Variants in RAB6A observed in about 807,000 individuals in gnomAD.
RAB6A encodes the protein ras-related protein Rab-6A.
In RAB6A, 8 loss-of-function variants were observed where a neutral mutation model predicts 32.3. That is an observed-to-expected ratio of 0.25 (90% CI 0.15 to 0.45). The LOEUF is 0.45. Among genes scored for constraint, RAB6A ranks in the 20% least tolerant of loss-of-function variants. The pLI is 1.00. For missense variants in RAB6A, 104 were observed against 249.4 expected, an observed-to-expected ratio of 0.42 and a Z score of 3.93; for synonymous variants, 73 against 82.1, an observed-to-expected ratio of 0.89 and a Z score of 0.60.
chr11:73,739,803 T>C (rs977622055), intron 1 of RAB6A, among the ~76,000 whole-genome samples: 3 of 152,092 alleles, frequency 2.0e-5, no homozygotes. Context: ...ATGCCTGTAA[T>C]CCCAGCACTT....
intron 2 of RAB6A, among the ~76,000 whole-genome samples, chr11:73,724,897 A>AT (rs1206326196): frequency 6.6e-6 from 1 of 152,174 alleles, no homozygotes; most frequent in Non-Finnish European, 1.5e-5. Context: ...AGGTTGGTTG[A>AT]TTTGTTCACT....
intron 2 of RAB6A, among the ~76,000 whole-genome samples, chr11:73,729,174 T>C (rs1453261632): frequency 3.3e-5 from 5 of 152,120 alleles, no homozygotes; most frequent in Admixed American, 2.0e-4. Context: ...TCTCAGCTCA[T>C]TGCAACCTCC....
intron 2 of RAB6A, chr11:73,729,401 C>T (rs942187220): frequency 6.6e-6 from 1 of 152,178 alleles, no homozygotes; most frequent in African/African-American, 2.4e-5. Flanking sequence ...GCCCAGTCAA[C>T]CCTTTTTATT....
rs1393411671 is a variant in RAB6A, at chr11:73,722,367, T to TTTTTTTTTTTTTTTTTTTTTTTG, written c.130-1469_130-1468insCAAAAAAAAAAAAAAAAAAAAAA. ...TATTTTTTTTTTTTTTTTTTTTTTTTGAGACAGTCTCACACTCTTGCCCAA... is the reference window on the plus strand; with the variant it reads ...TATTTTTTTTTTTTTTTTTTTTTTTTTTTTTTTTTTTTTTTTTTTTTTGGAGACAGTCTCACACTCTTGCCCAA... On this transcript the variant is annotated intron_variant, in intron 2 of 7. Transcript: ENST00000336083. The TTTTTTTTTTTTTTTTTTTTTTTG allele has an allele frequency of 2.4e-5, 2 of 81,784 alleles. 1 individual carries two copies. The highest frequency in any genetic ancestry group is 4.7e-5 in the Non-Finnish European group (2 of 42,750). 5.1% of individuals were successfully genotyped at this position (81,784 alleles called of 1,614,324 possible).
At chr11:73,737,628 G>A (rs1946420343) in intron 1 of RAB6A, among the ~76,000 whole-genome samples, 1 of 152,166 alleles carries the variant, frequency 6.6e-6, no homozygotes, top group East Asian at 1.9e-4. Flanking sequence ...ATGGGATGAA[G>A]TATTGATAAT....
intron 6 of RAB6A, among the ~76,000 whole-genome samples, chr11:73,696,515 T>A (rs1485187339): frequency 6.6e-6 from 1 of 152,090 alleles, no homozygotes; most frequent in East Asian, 1.9e-4. Context: ...TTTTGCTAGA[T>A]CTCCATCTTA....
chr11:73,760,369 A>G (rs1946825785), intron 1 of RAB6A, among the ~76,000 whole-genome samples, 197 bp downstream of exon 1: 1 of 152,122 alleles, frequency 6.6e-6, no homozygotes, highest in Admixed American at 6.6e-5. Flanking sequence ...CGAGGATTGA[A>G]GAACCCGGGG....
chr11:73,683,993 T>C (rs947733712), intron 6 of RAB6A, among the ~76,000 whole-genome samples: 14 of 152,174 alleles, frequency 9.2e-5, no homozygotes, highest in Non-Finnish European at 1.6e-4. Flanking sequence ...TTTTAAGAAA[T>C]TGCCACAGCC....
intron 1 of RAB6A, among the ~76,000 whole-genome samples, chr11:73,756,735 G>A (rs1265537842): frequency 6.6e-6 from 1 of 152,146 alleles, no homozygotes; most frequent in Admixed American, 6.5e-5. Context: ...GGAGTGCAGT[G>A]GGGCAATCTC....
chr11:73,717,009 A>G (rs777645987), intron 4 of RAB6A, among the ~76,000 whole-genome samples: 3 of 152,264 alleles, frequency 2.0e-5, no homozygotes, highest in Non-Finnish European at 4.4e-5. Context: ...GTGGATTTAA[A>G]AAAAAATACA....
chr11:73,748,852 C>T (rs567411203), intron 1 of RAB6A, among the ~76,000 whole-genome samples: 21 of 152,074 alleles, frequency 1.4e-4, no homozygotes, highest in African/African-American at 2.7e-4. Context: ...AGGCTGGGCG[C>T]GGTGGCTTAC....
At chr11:73,751,714 C>G (rs1028971014) in intron 1 of RAB6A, among the ~76,000 whole-genome samples, 2 of 152,128 alleles carry the variant, frequency 1.3e-5, no homozygotes, top group Non-Finnish European at 2.9e-5. Context: ...ATATTAAAAG[C>G]AAGGAGACTA....
chr11:73,730,556 A>G (rs1302851150), intron 2 of RAB6A: 1 of 494,120 alleles, frequency 2.0e-6, no homozygotes, highest in Non-Finnish European at 3.5e-6. Context: ...ATATTTCAAC[A>G]GACTTTGGAA....
At chr11:73,697,223 T>C (rs1945668159) in intron 6 of RAB6A, among the ~76,000 whole-genome samples, 1 of 152,172 alleles carries the variant, frequency 6.6e-6, no homozygotes, top group Non-Finnish European at 1.5e-5. Context: ...TGCTCAAATA[T>C]CACCTTATCA....
intron 6 of RAB6A, among the ~76,000 whole-genome samples, chr11:73,703,836 G>A (rs987821791): frequency 2.6e-5 from 4 of 152,116 alleles, no homozygotes; most frequent in Admixed American, 6.6e-5. Flanking sequence ...TTGGGAGGCC[G>A]AGATGGATGG....
At chr11:73,697,820 C>T (rs1219131409) in intron 6 of RAB6A, among the ~76,000 whole-genome samples, 1 of 152,204 alleles carries the variant, frequency 6.6e-6, no homozygotes, top group Non-Finnish European at 1.5e-5. Flanking sequence ...AGGTGATCAA[C>T]AAATATCTGA....
At chr11:73,733,047 A>G (rs1162464472) in intron 1 of RAB6A, among the ~76,000 whole-genome samples, 1 of 151,980 alleles carries the variant, frequency 6.6e-6, no homozygotes, top group African/African-American at 2.4e-5. Context: ...TCCTGACCTC[A>G]TGATCCGCCT....
chr11:73,740,000 A>G (rs984369927), intron 1 of RAB6A, among the ~76,000 whole-genome samples: 2 of 151,764 alleles, frequency 1.3e-5, no homozygotes, highest in African/African-American at 4.8e-5. Flanking sequence ...CAGAGGTTGC[A>G]GTGAGCCGAG....
intron 5 of RAB6A, among the ~76,000 whole-genome samples, chr11:73,708,794 C>T (rs1945892278): frequency 6.6e-6 from 1 of 152,164 alleles, no homozygotes; most frequent in Admixed American, 6.6e-5. Context: ...CTTCCATTTA[C>T]TTGCAAGTGT....
Sources: gnomAD v4.1 joint callset for allele counts (sites outside exome capture counted in the v4.1 genomes callset) on GRCh38, gnomAD v4.1.1 for gene constraint, MANE v1.5 for transcripts, NCBI Gene and HGNC (gene_info 2026-07-23, HGNC 2026-07-21) for gene names.